PDE10A: variants seen among roughly 807,000 people sequenced by gnomAD.
PDE10A encodes the protein phosphodiesterase 10A, also known as cAMP and cAMP-inhibited cGMP 3',5'-cyclic phosphodiesterase 10A.
PDE10A carries 39 observed loss-of-function variants against 97.7 expected under a neutral mutation model. The observed-to-expected ratio is 0.40, with a 90% CI of 0.31 to 0.52. PDE10A has a LOEUF of 0.52. Among genes scored for constraint, PDE10A ranks in the 20% least tolerant of loss-of-function variants. PDE10A has a pLI of 0.56. For synonymous variants in PDE10A, 371 were observed against 376.8 expected, an observed-to-expected ratio of 0.98 and a Z score of 0.18; for missense variants, 731 against 1,047.8, an observed-to-expected ratio of 0.70 and a Z score of 4.17.
chr6:165,752,674 A>G (rs2128456337), intron 1 of PDE10A, among the ~76,000 whole-genome samples: 1 of 152,320 alleles, frequency 6.6e-6, no homozygotes, highest in South Asian at 2.1e-4. Flanking sequence ...CACGTGAGGT[A>G]TTCATCATTA....
At chr6:165,542,612 CTTTTTTTTTTTTTTTT>C in intron 2 of PDE10A, among the ~76,000 whole-genome samples, 2 of 76,456 alleles carry the variant, frequency 2.6e-5, no homozygotes, top group South Asian at 1.3e-3. Context: ...TGTCCTTGTT[CTTTTTTTTTTTTTTTT>C]TTTTTTTTTT....
chr6:165,958,777 C>G (rs1784271151), intron 1 of PDE10A, among the ~76,000 whole-genome samples: 1 of 132,690 alleles, frequency 7.5e-6, no homozygotes, highest in African/African-American at 2.7e-5. Context: ...AGAAAGCAAG[C>G]CAGCCATGCC....
rs1177107658 is a variant in PDE10A at position 165,538,481 on chromosome 6, C to A, written c.994+4959G>T. ...TCACCCTCTGGAATACTAAGTAACT[C>A]GCCTTTAAGAAATTAATGTTACAAT... On this transcript the variant is annotated intron_variant, in intron 2 of 21. Transcript: ENST00000539869. Among the ~76,000 whole-genome samples, 4 of 152,100 alleles carry A rather than the reference C, an allele frequency of 2.6e-5. No homozygotes were observed. In the South Asian group the frequency reaches 6.2e-4, roughly 24 times the overall value.
intron 5 of PDE10A, among the ~76,000 whole-genome samples, chr6:165,438,784 C>G (rs987778539): frequency 1.3e-5 from 2 of 151,858 alleles, no homozygotes; most frequent in Admixed American, 6.6e-5. Context: ...ATAGCGAGAT[C>G]TGACCTCTAC....
intron 1 of PDE10A, among the ~76,000 whole-genome samples, chr6:165,550,314 T>C (rs553126114): frequency 6.6e-6 from 1 of 152,314 alleles, no homozygotes; most frequent in South Asian, 2.1e-4. Context: ...ACCAATAATC[T>C]CTTATTTATT....
intron 10 of PDE10A, 108 bp downstream of exon 10, chr6:165,428,550 A>G (rs956651093): frequency 1.6e-6 from 1 of 614,564 alleles, no homozygotes; most frequent in Non-Finnish European, 2.9e-6. Flanking sequence ...CCACATTTTC[A>G]TAATATTGAA....
chr6:165,549,306 TAA>T (rs1411263210), intron 1 of PDE10A, among the ~76,000 whole-genome samples: 2 of 152,150 alleles, frequency 1.3e-5, no homozygotes, highest in African/African-American at 2.4e-5. Flanking sequence ...GACAAATATA[TAA>T]GTTATTACGG....
chr6:165,461,368 C>A, intron 3 of PDE10A, among the ~76,000 whole-genome samples: 1 of 152,060 alleles, frequency 6.6e-6, no homozygotes, highest in East Asian at 1.9e-4. Flanking sequence ...GCCTGCTAAG[C>A]GTTTTCATTG....
chr6:165,579,431 T>G (rs1225814651), intron 1 of PDE10A, among the ~76,000 whole-genome samples: 1 of 152,144 alleles, frequency 6.6e-6, no homozygotes, highest in Non-Finnish European at 1.5e-5. Context: ...TTAGGGAGAA[T>G]GACTGGGATG....
intron 13 of PDE10A, among the ~76,000 whole-genome samples, chr6:165,402,592 A>G (rs1786756243): frequency 6.6e-6 from 1 of 152,142 alleles, no homozygotes; most frequent in East Asian, 1.9e-4. Context: ...AGTAGAAGAG[A>G]ATTCTAGCAG....
At chr6:165,977,189 T>C (rs1196715402) in intron 1 of PDE10A, among the ~76,000 whole-genome samples, 1 of 152,194 alleles carries the variant, frequency 6.6e-6, no homozygotes, top group African/African-American at 2.4e-5. Flanking sequence ...GCCACATTGA[T>C]GCAGAAAAAT....
chr6:165,431,528 A>AG, intron 7 of PDE10A, 56 bp from the exon 8 acceptor site: 1 of 601,436 alleles, frequency 1.7e-6, no homozygotes, highest in Non-Finnish European at 2.8e-6. Flanking sequence ...GTATATATAT[A>AG]TACTATATAT....
At chr6:165,533,278 G>A (rs1050052486) in intron 2 of PDE10A, among the ~76,000 whole-genome samples, 4 of 152,112 alleles carry the variant, frequency 2.6e-5, no homozygotes, top group Admixed American at 6.6e-5. Context: ...TCTGAGAAAC[G>A]CATTGTTGTA....
intron 1 of PDE10A, among the ~76,000 whole-genome samples, chr6:165,834,861 A>G (rs1780026332): frequency 6.6e-6 from 1 of 152,092 alleles, no homozygotes; most frequent in African/African-American, 2.4e-5. Flanking sequence ...GTTCCTACAA[A>G]CTCCTACGGC....
At chr6:165,784,954 GCTGTCCTT>G (rs1778454412) in intron 1 of PDE10A, among the ~76,000 whole-genome samples, 1 of 152,192 alleles carries the variant, frequency 6.6e-6, no homozygotes, top group African/African-American at 2.4e-5. Context: ...AGGAACCAAT[GCTGTCCTT>G]TATCCCGCAA....
chr6:165,786,160 A>G (rs537117161), intron 1 of PDE10A, among the ~76,000 whole-genome samples: 1 of 152,342 alleles, frequency 6.6e-6, no homozygotes, highest in African/African-American at 2.4e-5. Flanking sequence ...ACCTAATCTC[A>G]GCATTTAACA....
intron 1 of PDE10A, among the ~76,000 whole-genome samples, chr6:165,626,213 G>T (rs1788379489): frequency 6.6e-6 from 1 of 152,206 alleles, no homozygotes; most frequent in Admixed American, 6.5e-5. Context: ...TCTTAGATCA[G>T]GGAATCACGC....
intron 3 of PDE10A, among the ~76,000 whole-genome samples, chr6:165,457,728 A>G (rs1445518011): frequency 6.6e-6 from 1 of 152,148 alleles, no homozygotes; most frequent in Non-Finnish European, 1.5e-5. Context: ...TCTCTTGCCT[A>G]GGGGGAAATA....
intron 18 of PDE10A, among the ~76,000 whole-genome samples, chr6:165,372,603 T>G (rs1237133993): frequency 4.0e-5 from 6 of 150,892 alleles, no homozygotes; most frequent in Non-Finnish European, 8.8e-5. Context: ...GGAAGAACAT[T>G]CCATGCTCAT....
Sources: gnomAD v4.1 joint callset for allele counts (sites outside exome capture counted in the v4.1 genomes callset) on GRCh38, gnomAD v4.1.1 for gene constraint, MANE v1.5 for transcripts, NCBI Gene and HGNC (gene_info 2026-07-23, HGNC 2026-07-21) for gene names.